The following ELOVL2 variants were observed in gnomAD, a reference collection of about 807,000 sequenced individuals.
ELOVL2 encodes the protein ELOVL fatty acid elongase 2, also known as very long chain fatty acid elongase 2.
In ELOVL2, 38 loss-of-function variants were observed where a neutral mutation model predicts 37.7. That is an observed-to-expected ratio of 1.01 (90% CI 0.78 to 1.32). ELOVL2 has a LOEUF of 1.32. Ranked by LOEUF, ELOVL2 falls within the 40% of genes most tolerant of loss-of-function variation. The probability of loss-of-function intolerance (pLI) is 0.00; values close to 1 mark genes in which losing one functional copy is unlikely to be tolerated. For missense variants in ELOVL2, 352 were observed against 363.6 expected, an observed-to-expected ratio of 0.97 and a Z score of 0.26; for synonymous variants, 115 against 122.3, an observed-to-expected ratio of 0.94 and a Z score of 0.40.
At chr6:11,040,920 G>A (rs1374808330) in intron 1 of ELOVL2, among the ~76,000 whole-genome samples, 1 of 152,130 alleles carries the variant, frequency 6.6e-6, no homozygotes, top group African/African-American at 2.4e-5. Context: ...GTTCTAAACT[G>A]TCACATAAAT....
At chr6:11,035,809 T>C (rs1245345216) in intron 1 of ELOVL2, among the ~76,000 whole-genome samples, 1 of 152,220 alleles carries the variant, frequency 6.6e-6, no homozygotes, top group Non-Finnish European at 1.5e-5. Context: ...AGAATCTCTT[T>C]TTGTACTACA....
chr6:11,002,529 GCAAT>G (rs1782405911), intron 3 of ELOVL2, among the ~76,000 whole-genome samples: 1 of 152,168 alleles, frequency 6.6e-6, no homozygotes, highest in Admixed American at 6.5e-5. Context: ...AGACTGGGTG[GCAAT>G]CAATGGTAGT....
intron 1 of ELOVL2, among the ~76,000 whole-genome samples, chr6:11,021,363 A>T (rs1782763520): frequency 6.6e-6 from 1 of 152,320 alleles, no homozygotes; most frequent in South Asian, 2.1e-4. Flanking sequence ...ATTTGTGAAA[A>T]GCGTCTTTTA....
At chr6:11,012,039 A>G (rs923474128) in intron 1 of ELOVL2, among the ~76,000 whole-genome samples, 2 of 152,238 alleles carry the variant, frequency 1.3e-5, no homozygotes, top group Non-Finnish European at 2.9e-5. Flanking sequence ...ATTTGCTGGC[A>G]TCTGAAAAAG....
Position 10,983,427 on chromosome 6 carries a change from C to G in ELOVL2, c.*354G>C, listed in dbSNP as rs1781980786. The G allele has an allele frequency of 6.0e-6, 1 of 166,142 alleles. No individual in the cohort carries two copies. Among genetic ancestry groups the G allele is most frequent in the South Asian group, 1.9e-4 (1 of 5,274 alleles). The allele number at this position is 166,142 out of a possible 1,614,324, so 10.3% of individuals were successfully genotyped here. On this transcript the variant is annotated 3_prime_UTR_variant, in exon 8 of 8. Coordinates refer to ENST00000354666, the MANE Select transcript of ELOVL2 (RefSeq NM_017770.4). ...GTAAACATTTTAATCTGAACAAAAC[C>G]CTTTTTATTTGGAGACTCTCTGTGA...
intron 4 of ELOVL2, among the ~76,000 whole-genome samples, chr6:10,997,828 G>A (rs1172969880): frequency 6.6e-6 from 1 of 152,112 alleles, no homozygotes; most frequent in African/African-American, 2.4e-5. Context: ...GTATTGAGTC[G>A]TCATTATGAA....
At chr6:10,988,041 C>G (rs138589750) in intron 7 of ELOVL2, among the ~76,000 whole-genome samples, 1 of 152,286 alleles carries the variant, frequency 6.6e-6, no homozygotes, top group South Asian at 2.1e-4. Context: ...CTCTTCAACA[C>G]GAGGTACCAA....
rs527802514 is a variant in ELOVL2 at position 10,980,788 on chromosome 6, C to T, written c.*2993G>A. 6.6e-6 allele frequency: 1 copy of T among 152,600 alleles called. No individual in the cohort carries two copies. The highest frequency in any genetic ancestry group is 1.5e-5 in the Non-Finnish European group (1 of 68,022). The allele number at this position is 152,600 out of a possible 1,614,324, so 9.5% of individuals were successfully genotyped here. A position where few individuals can be genotyped will look rare whatever the true frequency, so the allele number is the denominator to read the frequency against. On this transcript the variant is annotated 3_prime_UTR_variant, in exon 8 of 8. Transcript: ENST00000354666. ...ATGTAAAAATCAATTTATTATACAA[C>T]AATCATAGATAATGCTTTTTATCTA...
intron 3 of ELOVL2, among the ~76,000 whole-genome samples, chr6:11,004,583 C>A (rs1488715541): frequency 6.6e-6 from 1 of 152,084 alleles, no homozygotes; most frequent in Non-Finnish European, 1.5e-5. Flanking sequence ...CAGGATGTAA[C>A]AAAGGGCCAC....
At chr6:11,038,607 AT>A (rs1476762262) in intron 1 of ELOVL2, among the ~76,000 whole-genome samples, 1 of 152,220 alleles carries the variant, frequency 6.6e-6, no homozygotes, top group Non-Finnish European at 1.5e-5. Context: ...ATAAGTATAG[AT>A]TTATCTAAAA....
At chr6:11,021,258 G>A (rs937740125) in intron 1 of ELOVL2, among the ~76,000 whole-genome samples, 4 of 152,298 alleles carry the variant, frequency 2.6e-5, no homozygotes, top group East Asian at 1.9e-4. Context: ...GCCTGGATAT[G>A]CCTCCTAACT....
chr6:10,986,007 A>G (rs1259472183), intron 7 of ELOVL2, among the ~76,000 whole-genome samples: 5 of 152,040 alleles, frequency 3.3e-5, no homozygotes, highest in African/African-American at 9.7e-5. Context: ...ATTTGTTTGT[A>G]TCCTTTTTTA....
Position 10,983,467 on chromosome 6 carries a change from C to A in ELOVL2, c.*314G>T. 1 of 193,008 alleles carries A rather than the reference C, an allele frequency of 5.2e-6. No homozygotes were observed. Among genetic ancestry groups the A allele is most frequent in the Non-Finnish European group, 1.1e-5 (1 of 94,784 alleles). 12.0% of individuals were successfully genotyped at this position (193,008 alleles called of 1,614,324 possible). On this transcript the variant is annotated 3_prime_UTR_variant, in exon 8 of 8. Coordinates refer to ENST00000354666, the MANE Select transcript of ELOVL2 (RefSeq NM_017770.4). ...ACTCTCTGTGAGAAACAATGCTCCACGTTTCCTGGCTGTGTATGCGTATAA... is the reference window on the plus strand; with the variant it reads ...ACTCTCTGTGAGAAACAATGCTCCAAGTTTCCTGGCTGTGTATGCGTATAA...
chr6:11,043,969 G>C (rs1235284580), intron 1 of ELOVL2: 1 of 322,826 alleles, frequency 3.1e-6, no homozygotes, highest in Non-Finnish European at 5.6e-6. Flanking sequence ...CGAGGTGCCG[G>C]GGCGGGACCG....
At chr6:11,000,781 A>G (rs1342315167) in intron 3 of ELOVL2, among the ~76,000 whole-genome samples, 2 of 152,220 alleles carry the variant, frequency 1.3e-5, no homozygotes, top group African/African-American at 4.8e-5. Flanking sequence ...TTGTATCTAC[A>G]GTTCCTTGCC....
At chr6:10,989,932 G>C (rs962110336) in intron 6 of ELOVL2, 95 bp from the exon 7 acceptor site, 2 of 1,416,620 alleles carry the variant, frequency 1.4e-6, no homozygotes, top group East Asian at 2.3e-5. Flanking sequence ...TCAACTCCTA[G>C]GACTCTTGGA....
Position 10,983,510 on chromosome 6 carries a change from T to C in ELOVL2, c.*271A>G, listed in dbSNP as rs1430801072. 1.5e-5 allele frequency: 4 copies of C among 275,704 alleles called. No homozygotes were observed. Among genetic ancestry groups the C allele is most frequent in the Non-Finnish European group, 2.7e-5 (4 of 147,304 alleles). 17.1% of individuals were successfully genotyped at this position (275,704 alleles called of 1,614,324 possible). On this transcript the variant is annotated 3_prime_UTR_variant, in exon 8 of 8. Coordinates refer to ENST00000354666, the MANE Select transcript of ELOVL2 (RefSeq NM_017770.4). ...GCGTATAAGGCGTTATAAGGACAGC[T>C]TCTGGCGAAAGGTTCAGTCTGTGGG...
chr6:10,985,666 A>G (rs1194999345), intron 7 of ELOVL2, among the ~76,000 whole-genome samples: 3 of 151,846 alleles, frequency 2.0e-5, no homozygotes, highest in South Asian at 2.1e-4. Flanking sequence ...GTAGATACGC[A>G]GCATTATTTC....
At chr6:11,034,502 G>A (rs1233695774) in intron 1 of ELOVL2, among the ~76,000 whole-genome samples, 2 of 109,872 alleles carry the variant, frequency 1.8e-5, no homozygotes, top group African/African-American at 5.5e-5. Context: ...GGCCAACATG[G>A]TGAAACCCCA....
Sources: allele counts gnomAD v4.1 joint callset (sites outside exome capture counted in the v4.1 genomes callset), GRCh38; gene constraint gnomAD v4.1.1; transcripts MANE v1.5; gene names NCBI Gene and HGNC (gene_info 2026-07-23, HGNC 2026-07-21).